The following SNX14 variants were observed in gnomAD, a reference collection of about 807,000 sequenced individuals.
SNX14 encodes the protein sorting nexin 14.
A neutral mutation model predicts 133.8 loss-of-function variants in SNX14; 93 were observed. The ratio of observed to expected loss-of-function variants is 0.70; its 90% CI spans 0.59 to 0.83. The LOEUF (loss-of-function observed/expected upper bound fraction) is 0.83, where lower values mean the gene tolerates loss of function less well. Ranked by LOEUF, SNX14 falls within the 40% of genes least tolerant of loss-of-function variation. The probability of loss-of-function intolerance (pLI) is 0.00; values close to 1 mark genes in which losing one functional copy is unlikely to be tolerated. For missense variants in SNX14, 945 were observed against 1,094.9 expected (o/e 0.86, Z 1.93); for synonymous variants, 368 against 365.6 (o/e 1.01, Z -0.07).
chr6:85,514,463 G>A, intron 24 of SNX14, 43 bp downstream of exon 24: 1 of 1,598,178 alleles, frequency 6.3e-7, no homozygotes, highest in Non-Finnish European at 8.5e-7. Context: ...CACAGAAGAA[G>A]TAAGATGAAT....
At chr6:85,573,032 A>G (rs1163715726) in intron 2 of SNX14, among the ~76,000 whole-genome samples, 1 of 152,224 alleles carries the variant, frequency 6.6e-6, no homozygotes, top group African/African-American at 2.4e-5. Flanking sequence ...CTCTTTCTCC[A>G]AAATCTTGAA....
chr6:85,587,559 A>G (rs2128238739), intron 1 of SNX14, among the ~76,000 whole-genome samples: 1 of 152,080 alleles, frequency 6.6e-6, no homozygotes, highest in African/African-American at 2.4e-5. Flanking sequence ...TCAACCTCTT[A>G]GGCACAAGTA....
rs1037454370 is a variant in SNX14 at position 85,511,817 on chromosome 6, G to A, written c.2653+1983C>T. On this transcript the variant is annotated intron_variant, in intron 26 of 28. Transcript: ENST00000314673. ...CTGGTTCTGATACTTGCTCTTTCTC[G>A]TCAAACTGTTTTTTCTTGCCTTTAA... 4.6e-5 allele frequency among the ~76,000 whole-genome samples: 7 copies of A among 152,106 alleles called. No homozygotes were observed. The South Asian group carries it at 6.2e-4, about 13-fold the overall frequency.
In SNX14 at chr6:85,536,871, A is replaced by AT. The variant is rs781393227; in HGVS notation, c.1528dup (p.Ile510AsnfsTer2). 6.2e-7 allele frequency: 1 copy of AT among 1,613,390 alleles called. No homozygotes were observed. The highest frequency in any genetic ancestry group is 8.5e-7 in the Non-Finnish European group (1 of 1,179,672). Reference sequence around the variant, plus strand: ...TGTGGTACTTTTGAATACTCCTTTAATTTTGCTACCTATTCTGCTGATTCC... The same window carrying AT: ...TGTGGTACTTTTGAATACTCCTTTAATTTTTGCTACCTATTCTGCTGATTCC... On this transcript the variant is annotated frameshift_variant, in exon 17 of 29. Coordinates refer to ENST00000314673, the MANE Select transcript of SNX14 (RefSeq NM_153816.6). LOFTEE classifies it high-confidence loss of function.
chr6:85,523,893 T>C (rs766843968), intron 21 of SNX14, among the ~76,000 whole-genome samples: 6 of 152,118 alleles, frequency 3.9e-5, no homozygotes, highest in Non-Finnish European at 7.3e-5. Flanking sequence ...AGATGATAGA[T>C]CAGATGGTGA....
intron 1 of SNX14, among the ~76,000 whole-genome samples, chr6:85,583,782 T>A (rs1201874587): frequency 6.6e-6 from 1 of 152,172 alleles, no homozygotes; most frequent in Non-Finnish European, 1.5e-5. Context: ...TCCATGCTCA[T>A]GGATAGGAAG....
intron 23 of SNX14, among the ~76,000 whole-genome samples, chr6:85,517,044 C>A (rs1231043091): frequency 6.6e-6 from 1 of 152,058 alleles, no homozygotes; most frequent in Non-Finnish European, 1.5e-5. Flanking sequence ...CAGTCCTAGT[C>A]AGGAATAAAA....
chr6:85,570,581 G>A (rs545918058), intron 4 of SNX14, among the ~76,000 whole-genome samples: 2 of 151,960 alleles, frequency 1.3e-5, no homozygotes, highest in African/African-American at 4.8e-5. Flanking sequence ...TTGTCCAGGC[G>A]CAGTGGCTGA....
At chr6:85,549,946 T>A in intron 7 of SNX14, 67 bp from the exon 8 acceptor site, 1 of 1,393,794 alleles carries the variant, frequency 7.2e-7, no homozygotes, top group Non-Finnish European at 9.9e-7. Context: ...TCATTTCCAC[T>A]AACAAATAGA....
intron 10 of SNX14, 49 bp downstream of exon 10, chr6:85,547,457 T>G: frequency 6.2e-7 from 1 of 1,605,172 alleles, no homozygotes; most frequent in East Asian, 2.2e-5. Context: ...ACATACAAAA[T>G]CAAAATTCAA....
intron 21 of SNX14, among the ~76,000 whole-genome samples, chr6:85,520,363 CT>C (rs72488681): frequency 3.8e-3 from 509 of 135,324 alleles, no homozygotes; most frequent in Non-Finnish European, 3.9e-3. Flanking sequence ...TATTTTTTAC[CT>C]TTTTTTTTTT....
intron 26 of SNX14, among the ~76,000 whole-genome samples, chr6:85,510,719 T>C (rs997508047): frequency 2.0e-5 from 3 of 152,192 alleles, no homozygotes; most frequent in African/African-American, 7.2e-5. Flanking sequence ...TTTTCTCCCA[T>C]GTTATCCTCT....
At chr6:85,512,615 C>G (rs1464044726) in intron 26 of SNX14, among the ~76,000 whole-genome samples, 2 of 100,106 alleles carry the variant, frequency 2.0e-5, no homozygotes, top group African/African-American at 8.5e-5. Flanking sequence ...CAGTGGGGCT[C>G]TGTCTCAAAA....
At chr6:85,507,922 C>T (rs993171876) in intron 27 of SNX14, 46 bp downstream of exon 27, 15 of 1,533,342 alleles carry the variant, frequency 9.8e-6, no homozygotes, top group Non-Finnish European at 1.3e-5. Context: ...CTACGTCGTT[C>T]ACCAAACCTA....
At chr6:85,520,888 G>T (rs1319262851) in intron 21 of SNX14, among the ~76,000 whole-genome samples, 1 of 152,152 alleles carries the variant, frequency 6.6e-6, no homozygotes, top group African/African-American at 2.4e-5. Context: ...CATTTGTGCT[G>T]TTTCTAGTTT....
chr6:85,514,221 G>A lies in SNX14; in HGVS notation c.2406C>T (p.Phe802=). 1 of 1,611,696 alleles carries A rather than the reference G, an allele frequency of 6.2e-7. No individual in the cohort carries two copies. The highest frequency in any genetic ancestry group is 8.5e-7 in the Non-Finnish European group (1 of 1,179,346). ...DYLMYVGRVV[F]QVPDWLHHLL... is the part of the protein sequence containing the mutation. ...GATGATGAAGCCAGTCAGGAACCTG[G>A]AAAACTACCCGTCCTGAGAAAGGAT... Residue 802 remains phenylalanine, a synonymous_variant, in exon 25 of 29, where the codon TTC becomes TTT. Transcript: ENST00000314673.
intron 18 of SNX14, among the ~76,000 whole-genome samples, chr6:85,531,902 C>A (rs2127998144): frequency 6.6e-6 from 1 of 152,168 alleles, no homozygotes; most frequent in East Asian, 1.9e-4. Flanking sequence ...GTGACATGCA[C>A]CTATAGTCCC....
At position 85,513,857 on chromosome 6, in the gene SNX14, G is replaced by C. The variant is rs876657385; in HGVS notation, c.2596C>G (p.Gln866Glu). The C allele has an allele frequency of 1.2e-6, 2 of 1,612,664 alleles. No individual in the cohort carries two copies. The highest frequency in any genetic ancestry group is 3.3e-5 in the Admixed American group (2 of 59,942). ...TGTTTTGCTCCTTTTTGCTTATCTT[G>C]GAGAGAGCGAGGTTCAGTGTTTTCA... ...FCENTEPRSL[Q>E]DKQKGAKQTF... The change falls in exon 26 of 29, where the codon CAA (glutamine) becomes GAA (glutamate). Residue 866 changes from glutamine (Q) to glutamate (E), a missense_variant. Coordinates refer to ENST00000314673, the MANE Select transcript of SNX14 (RefSeq NM_153816.6).
At chr6:85,545,480 A>T (rs959979199) in intron 12 of SNX14, among the ~76,000 whole-genome samples, 1 of 152,186 alleles carries the variant, frequency 6.6e-6, no homozygotes, top group Non-Finnish European at 1.5e-5. Flanking sequence ...ATAAAGAAAG[A>T]TGATGTGGCT....
Sources: gnomAD v4.1 joint callset for allele counts (sites outside exome capture counted in the v4.1 genomes callset) on GRCh38, gnomAD v4.1.1 for gene constraint, MANE v1.5 for transcripts, NCBI Gene and HGNC (gene_info 2026-07-23, HGNC 2026-07-21) for gene names.